ITGA2B: variants seen among roughly 807,000 people sequenced by gnomAD.
The protein encoded by ITGA2B is integrin subunit alpha 2b, also known as integrin alpha-IIb.
A neutral mutation model predicts 142.0 loss-of-function variants in ITGA2B; 91 were observed. The observed-to-expected ratio is 0.64, with a 90% CI of 0.54 to 0.76. The LOEUF (loss-of-function observed/expected upper bound fraction) is 0.76, where lower values mean the gene tolerates loss of function less well. Ranked by LOEUF, ITGA2B falls within the 30% of genes least tolerant of loss-of-function variation. ITGA2B has a pLI of 0.00. For synonymous variants in ITGA2B, 536 were observed against 567.2 expected, an observed-to-expected ratio of 0.94 and a Z score of 0.78; for missense variants, 1,231 against 1,350.8, an observed-to-expected ratio of 0.91 and a Z score of 1.39.
rs762905142 is a variant in ITGA2B at position 44,374,646 on chromosome 17, C to A, written c.2943+13G>T. 5.0e-6 allele frequency: 8 copies of A among 1,608,262 alleles called. No individual in the cohort carries two copies. The South Asian group carries it at 8.8e-5, about 18-fold the overall frequency. On this transcript the variant is annotated intron_variant, in intron 28 of 29. Coordinates refer to ENST00000262407, the MANE Select transcript of ITGA2B (RefSeq NM_000419.5). ...CTGCAGGACTGGTCTCTGCTCCATC[C>A]CCCCACACTCACCTGAGCTTCCCCT...
At chr17:44,375,169 C>T (rs977134206) in intron 26 of ITGA2B, 58 bp from the exon 27 acceptor site, 11 of 1,440,668 alleles carry the variant, frequency 7.6e-6, no homozygotes, top group Middle Eastern at 1.8e-4. Flanking sequence ...CATCATCCCC[C>T]ACCCCCTTAC....
intron 9 of ITGA2B, 24 bp downstream of exon 9, chr17:44,384,287 A>G (rs2048623664): frequency 1.2e-6 from 2 of 1,612,570 alleles, no homozygotes; most frequent in South Asian, 2.2e-5. Context: ...GGGCTTCGGG[A>G]GGCCCAGTGG....
intron 6 of ITGA2B, 23 bp downstream of exon 6, chr17:44,385,141 G>GA (rs1383891178): frequency 4.3e-6 from 7 of 1,614,010 alleles, no homozygotes; most frequent in Non-Finnish European, 5.9e-6. Flanking sequence ...AGAAGGGAGG[G>GA]AGGTGTACGG....
intron 9 of ITGA2B, 57 bp downstream of exon 9, chr17:44,384,254 G>A (rs2048623397): frequency 1.2e-6 from 2 of 1,603,918 alleles, no homozygotes; most frequent in Non-Finnish European, 8.5e-7. Context: ...CTCAGGAGTT[G>A]TCAGCCTGAG....
At chr17:44,384,009 C>T in intron 10 of ITGA2B, 63 bp from the exon 11 acceptor site, 1 of 1,613,522 alleles carries the variant, frequency 6.2e-7, no homozygotes, top group Middle Eastern at 1.6e-4. Context: ...AGAAATGGGC[C>T]CTCACCTCCC....
intron 27 of ITGA2B, 98 bp from the exon 28 acceptor site, chr17:44,374,858 G>C: frequency 7.8e-7 from 1 of 1,283,642 alleles, no homozygotes; most frequent in Non-Finnish European, 1.1e-6. Flanking sequence ...CCCTGCCTCT[G>C]ACCTAATCCC....
chr17:44,386,294 T>C (rs1198366716), intron 1 of ITGA2B, among the ~76,000 whole-genome samples, 163 bp from the exon 2 acceptor site: 2 of 152,226 alleles, frequency 1.3e-5, no homozygotes, highest in African/African-American at 2.4e-5. Context: ...CTTCATCTTA[T>C]GGACAGTGAA....
intron 22 of ITGA2B, among the ~76,000 whole-genome samples, chr17:44,376,772 C>T (rs2048547982): frequency 6.6e-6 from 1 of 151,992 alleles, no homozygotes; most frequent in African/African-American, 2.4e-5. Flanking sequence ...ACCACCATGC[C>T]CAGCTAATTT....
In ITGA2B at chr17:44,389,534, T is replaced by G; in HGVS notation, c.-61A>C. On this transcript the variant is annotated 5_prime_UTR_variant, in exon 1 of 30. Transcript: ENST00000262407. ...CCAGCTCCTCCTCCTTCCCTTCAGA[T>G]TCCTCCACAGGAAGTCTTTTCTTAT... 1.3e-6 allele frequency: 2 copies of G among 1,561,158 alleles called. No individual in the cohort carries two copies. Among genetic ancestry groups the G allele is most frequent in the African/African-American group, 1.4e-5 (1 of 73,852 alleles).
At chr17:44,378,272 A>G in intron 20 of ITGA2B, 90 bp downstream of exon 20, 1 of 1,464,956 alleles carries the variant, frequency 6.8e-7, no homozygotes, top group Non-Finnish European at 9.1e-7. Context: ...AAAGCAGAAG[A>G]GAAGAGGGAC....
Position 44,375,848 on chromosome 17 carries a change from A to C in ITGA2B, c.2586T>G (p.Pro862=). Reference sequence around the variant, plus strand: ...CAGCTCTTACCTTGAGAGGGTTGACAGGAGGCTGTGGGAAGCACTGAAGGC... The same window carrying C: ...CAGCTCTTACCTTGAGAGGGTTGACCGGAGGCTGTGGGAAGCACTGAAGGC... ...QGGLQCFPQP[P]VNPLKVDWGL... The change falls in exon 25 of 30, where the codon CCT becomes CCG. Residue 862 remains proline (P), a synonymous_variant. Coordinates refer to ENST00000262407, the MANE Select transcript of ITGA2B (RefSeq NM_000419.5). The C allele has an allele frequency of 2.5e-6, 4 of 1,586,952 alleles. No homozygotes were observed. Among genetic ancestry groups the C allele is most frequent in the Admixed American group, 1.9e-5 (1 of 53,930 alleles).
In ITGA2B at chr17:44,385,855, G is replaced by T. The variant is rs2048643896; in HGVS notation, c.377C>A (p.Ala126Glu). The T allele has an allele frequency of 2.5e-6, 4 of 1,605,320 alleles. No homozygotes were observed. In the South Asian group the frequency reaches 4.4e-5, roughly 18 times the overall value. Residue 126 changes from alanine to glutamate, a missense_variant, in exon 3 of 30, where the codon GCG becomes GAG. This residue lies in a region of ITGA2B where 318 missense variants were observed against 312.2 expected (regional missense o/e 1.02). Transcript: ENST00000262407. ...QTFKARQGLG[A>E]SVVSWSDVIV... ...GACGTCGCTCCAGCTGACGACCGAC[G>T]CCCCCAGTCCTTGGCGGGCCTTGAA... is the stretch of plus-strand genomic sequence containing the variant.
At chr17:44,384,271 G>A (rs2143480167) in intron 9 of ITGA2B, 40 bp downstream of exon 9, 2 of 1,611,980 alleles carry the variant, frequency 1.2e-6, no homozygotes, top group Middle Eastern at 1.7e-4. Flanking sequence ...TGAGAACTGG[G>A]ATAAGGGGCT....
rs1567905761 is a variant in ITGA2B at position 44,385,621 on chromosome 17, GCT to G, written c.502_503del (p.Ser168ArgfsTer22). ...AGGGGGAGTACTCGGCGCGGCGGCC[GCT>G]CTCTGGCTGAGCCAAAAAGCAGCTA... ...VGSCFLAQPE[S>X]GRRAEYSPCR... On this transcript the variant is annotated frameshift_variant, in exon 4 of 30. Transcript: ENST00000262407. 1 of 1,612,632 alleles carries G rather than the reference GCT, an allele frequency of 6.2e-7. No individual in the cohort carries two copies. The highest frequency in any genetic ancestry group is 8.5e-7 in the Non-Finnish European group (1 of 1,179,882).
At position 44,376,139 on chromosome 17, in the gene ITGA2B, C is replaced by T. The variant is rs1475545630; in HGVS notation, c.2394G>A (p.Glu798=). Reference sequence around the variant, plus strand: ...AGCTGTCCAAGCTGTTCTGCTCCCTCTCACCTTCTTCTGCTGCCACCACCA... The same window carrying T: ...AGCTGTCCAAGCTGTTCTGCTCCCTTTCACCTTCTTCTGCTGCCACCACCA... The part of the protein sequence containing the change: ...ASLVVAAEEG[E]REQNSLDSWG... The change falls in exon 24 of 30, where the codon GAG becomes GAA. Residue 798 remains glutamate (E), a synonymous_variant. Transcript: ENST00000262407. 6.2e-7 allele frequency: 1 copy of T among 1,614,216 alleles called. No homozygotes were observed. Among genetic ancestry groups the T allele is most frequent in the South Asian group, 1.1e-5 (1 of 91,088 alleles).
At chr17:44,379,974 G>A (rs1396378474) in intron 17 of ITGA2B, 28 bp downstream of exon 17, 1 of 1,612,850 alleles carries the variant, frequency 6.2e-7, no homozygotes, top group Admixed American at 1.7e-5. Flanking sequence ...TACTCTCCCA[G>A]CCCTGCCAAT....
At chr17:44,380,187 T>A in intron 16 of ITGA2B, 34 bp from the exon 17 acceptor site, 1 of 1,613,874 alleles carries the variant, frequency 6.2e-7, no homozygotes, top group Non-Finnish European at 8.5e-7. Flanking sequence ...AGGACCTCCC[T>A]GGCCAGCCTC....
chr17:44,374,965 G>T, intron 27 of ITGA2B, 33 bp downstream of exon 27: 18 of 1,398,324 alleles, frequency 1.3e-5, no homozygotes, highest in Non-Finnish European at 1.8e-5. Flanking sequence ...CCGCCCAGAA[G>T]GCCCGGCCCC....
chr17:44,381,743 C>T (rs921432159), intron 12 of ITGA2B, among the ~76,000 whole-genome samples: 2 of 152,130 alleles, frequency 1.3e-5, no homozygotes, highest in Non-Finnish European at 2.9e-5. Flanking sequence ...AAGCAATCCT[C>T]CCACCTCAGC....
Sources: gnomAD v4.1 joint callset for allele counts (sites outside exome capture counted in the v4.1 genomes callset) on GRCh38, gnomAD v4.1.1 for gene constraint, gnomAD v4.1.1 regional missense constraint, MANE v1.5 for transcripts, NCBI Gene and HGNC (gene_info 2026-07-23, HGNC 2026-07-21) for gene names.